The following APP variants were observed in gnomAD, a reference collection of about 807,000 sequenced individuals.
APP encodes amyloid-beta precursor protein.
Under a neutral mutation model 101.4 loss-of-function variants are expected in APP, and 31 were observed. That is an observed-to-expected ratio of 0.31 (90% CI 0.23 to 0.41). The LOEUF (loss-of-function observed/expected upper bound fraction) is 0.41. Among genes scored for constraint, APP ranks in the 10% least tolerant of loss-of-function variants. The probability of loss-of-function intolerance (pLI) is 1.00; values close to 1 mark genes in which losing one functional copy is unlikely to be tolerated. For synonymous variants in APP, 366 were observed against 364.4 expected (o/e 1.00, Z -0.05); for missense variants, 839 against 1,003.7 (o/e 0.84, Z 2.22).
In APP at chr21:25,975,227, T is replaced by C; in HGVS notation, c.1301A>G (p.His434Arg). The change falls in exon 11 of 18, where the codon CAT (histidine) becomes CGT (arginine). Residue 434 changes from histidine to arginine, a missense_variant and splice_region_variant. Physicochemically the swap from His to Arg is conservative, Grantham distance 29 (BLOSUM62 0). Transcript: ENST00000346798. ...PKADKKAVIQ[H>R]FQEKVESLEQ... ...CAAAGATTCCACTTTCTCCTGGAAA[T>C]GCTGCCATCATAAACACATATGTCC... The C allele has an allele frequency of 1.2e-6, 2 of 1,614,198 alleles. No homozygotes were observed. Among genetic ancestry groups the C allele is most frequent in the Non-Finnish European group, 1.7e-6 (2 of 1,180,014 alleles).
chr21:25,945,522 T>C (rs2040778320), intron 13 of APP: 1 of 154,424 alleles, frequency 6.5e-6, no homozygotes, highest in Non-Finnish European at 1.4e-5. Context: ...GGACTCACAC[T>C]TGCTGATTTC....
intron 3 of APP, among the ~76,000 whole-genome samples, chr21:26,059,137 T>A (rs1279105445): frequency 6.6e-6 from 1 of 152,020 alleles, no homozygotes; most frequent in Non-Finnish European, 1.5e-5. Context: ...CTGCTGAAGT[T>A]TTGAGCATCA....
At chr21:26,032,462 G>A (rs1030671795) in intron 5 of APP, among the ~76,000 whole-genome samples, 2 of 152,176 alleles carry the variant, frequency 1.3e-5, no homozygotes, top group Admixed American at 6.5e-5. Flanking sequence ...GCTCAGCCAC[G>A]TGGGTTTCAT....
At chr21:26,120,999 G>T (rs966321744) in intron 1 of APP, among the ~76,000 whole-genome samples, 1 of 152,082 alleles carries the variant, frequency 6.6e-6, no homozygotes, top group Non-Finnish European at 1.5e-5. Context: ...CTCCCGCCCA[G>T]CCCTCTCCGG....
chr21:26,081,377 CA>C (rs1319726102), intron 3 of APP, among the ~76,000 whole-genome samples: 9 of 115,656 alleles, frequency 7.8e-5, no homozygotes, highest in African/African-American at 3.2e-4. Flanking sequence ...AAATTGCAGT[CA>C]AAGGGGGTTG....
At chr21:25,884,582 CTG>C (rs2037202789) in intron 17 of APP, among the ~76,000 whole-genome samples, 2 of 146,760 alleles carry the variant, frequency 1.4e-5, no homozygotes, top group Admixed American at 6.7e-5. Flanking sequence ...TTCATTCACT[CTG>C]TAAATCTGTG....
intron 14 of APP, among the ~76,000 whole-genome samples, chr21:25,907,107 T>C (rs537678040): frequency 2.6e-5 from 4 of 152,324 alleles, no homozygotes; most frequent in African/African-American, 7.2e-5. Context: ...ACAAATGATA[T>C]TGTCCTATAA....
At chr21:26,160,284 G>A (rs2063464546) in intron 1 of APP, among the ~76,000 whole-genome samples, 2 of 152,142 alleles carry the variant, frequency 1.3e-5, no homozygotes, top group Admixed American at 6.5e-5. Context: ...AGTTCTGTAA[G>A]CTGCCTTTAC....
intron 13 of APP, among the ~76,000 whole-genome samples, chr21:25,920,922 T>A (rs1257104486): frequency 7.2e-6 from 1 of 139,176 alleles, no homozygotes; most frequent in African/African-American, 2.8e-5. Context: ...CAACAGAATA[T>A]ACATTTTTTT....
intron 8 of APP, among the ~76,000 whole-genome samples, chr21:25,983,639 T>C (rs1292138642): frequency 2.6e-5 from 4 of 152,220 alleles, no homozygotes; most frequent in Admixed American, 6.5e-5. Context: ...ATCTTTCATT[T>C]TAAAAAGAAA....
chr21:25,988,702 C>CAAAAAAAAAAAAAAAAAAAAAAA lies in APP; in HGVS notation c.1091-6226_1091-6225insTTTTTTTTTTTTTTTTTTTTTTT, dbSNP rs537417600. On this transcript the variant is annotated intron_variant, in intron 8 of 17. Transcript: ENST00000346798. ...GGGTGATAACAGCGAAACTCTGTCTCAAAAAAAAAAAAAAAAAAAAAGGAG... is the reference window on the plus strand; with the variant it reads ...GGGTGATAACAGCGAAACTCTGTCTCAAAAAAAAAAAAAAAAAAAAAAAAAAAAAAAAAAAAAAAAAAAAGGAG... Among the ~76,000 whole-genome samples, 18 of 62,364 alleles carry CAAAAAAAAAAAAAAAAAAAAAAA rather than the reference C, an allele frequency of 2.9e-4. 1 individual carries two copies. The highest frequency in any genetic ancestry group is 1.1e-3 in the African/African-American group (17 of 15,592). 40.9% of individuals were successfully genotyped at this position (62,364 alleles called of 152,430 possible).
At chr21:26,012,489 G>A (rs1442560920) in intron 6 of APP, among the ~76,000 whole-genome samples, 1 of 152,144 alleles carries the variant, frequency 6.6e-6, no homozygotes, top group Non-Finnish European at 1.5e-5. Context: ...GAGGTGGTTG[G>A]AAACCAAAGA....
At chr21:26,003,906 T>A (rs1192578734) in intron 6 of APP, among the ~76,000 whole-genome samples, 1 of 152,192 alleles carries the variant, frequency 6.6e-6, no homozygotes, top group East Asian at 1.9e-4. Context: ...ATGGAACGTA[T>A]CCTCTATCAC....
intron 16 of APP, among the ~76,000 whole-genome samples, chr21:25,896,418 TCA>T (rs149942292): frequency 3.3e-5 from 5 of 149,292 alleles, no homozygotes; most frequent in Admixed American, 6.7e-5. Flanking sequence ...AAAGTAACAC[TCA>T]CACACACACA....
intron 3 of APP, among the ~76,000 whole-genome samples, chr21:26,083,407 G>T (rs1215300348): frequency 6.6e-6 from 1 of 152,118 alleles, no homozygotes; most frequent in Non-Finnish European, 1.5e-5. Flanking sequence ...AAAATGTTAG[G>T]TGTAAAAAGC....
chr21:26,156,370 T>C (rs372515), intron 1 of APP, among the ~76,000 whole-genome samples: 9,435 of 152,262 alleles, frequency 0.062, 499 homozygotes, highest in East Asian at 0.2. Flanking sequence ...AGAGAGCTTA[T>C]TTACTTAAAA....
At chr21:26,154,675 A>T (rs958878476) in intron 1 of APP, among the ~76,000 whole-genome samples, 2 of 152,228 alleles carry the variant, frequency 1.3e-5, no homozygotes, top group African/African-American at 4.8e-5. Context: ...AAAGTGATGA[A>T]GAAAGAGATT....
intron 1 of APP, among the ~76,000 whole-genome samples, chr21:26,130,125 C>A (rs2830075): frequency 6.6e-6 from 1 of 152,036 alleles, no homozygotes; most frequent in Admixed American, 6.6e-5. Flanking sequence ...GACAAACTAA[C>A]CTTCCAAAAA....
At chr21:26,096,664 C>A (rs903781999) in intron 2 of APP, among the ~76,000 whole-genome samples, 3 of 152,310 alleles carry the variant, frequency 2.0e-5, no homozygotes, top group South Asian at 2.1e-4. Context: ...ATAGTCCCAG[C>A]TACTCGGGAG....
Sources: gnomAD v4.1 joint callset for allele counts (sites outside exome capture counted in the v4.1 genomes callset) on GRCh38, gnomAD v4.1.1 for gene constraint, MANE v1.5 for transcripts, NCBI Gene and HGNC (gene_info 2026-07-23, HGNC 2026-07-21) for gene names.